CPED1: variants seen among roughly 807,000 people sequenced by gnomAD.
The protein encoded by CPED1 is cadherin like and PC-esterase domain containing 1, also known as cadherin-like and PC-esterase domain-containing protein 1.
A neutral mutation model predicts 128.2 loss-of-function variants in CPED1; 114 were observed. That is an observed-to-expected ratio of 0.89 (90% CI 0.76 to 1.04). The LOEUF (loss-of-function observed/expected upper bound fraction) is 1.04, where lower values mean the gene tolerates loss of function less well. Among genes scored for constraint, CPED1 ranks in the 50% least tolerant of loss-of-function variants. The pLI, the probability that CPED1 is intolerant of heterozygous loss-of-function variation, is 0.00. For synonymous variants in CPED1, 462 were observed against 426.7 expected, an observed-to-expected ratio of 1.08 and a Z score of -1.02; for missense variants, 1,211 against 1,207.1, an observed-to-expected ratio of 1.00 and a Z score of -0.05.
intron 7 of CPED1, among the ~76,000 whole-genome samples, chr7:121,113,746 G>A (rs549754864): frequency 4.6e-5 from 7 of 152,130 alleles, no homozygotes; most frequent in Non-Finnish European, 8.8e-5. Context: ...TGAAGAGCTT[G>A]AATTTCATGG....
chr7:121,190,455 T>C (rs890615366), intron 16 of CPED1, among the ~76,000 whole-genome samples: 1 of 151,890 alleles, frequency 6.6e-6, no homozygotes, highest in South Asian at 2.1e-4. Flanking sequence ...AGGGTGATTT[T>C]GAGAACAGGC....
intron 5 of CPED1, among the ~76,000 whole-genome samples, chr7:121,088,924 A>G (rs1197847189): frequency 6.6e-6 from 1 of 152,114 alleles, no homozygotes. Context: ...TATAAGATAG[A>G]TGTACCTGGC....
intron 3 of CPED1, among the ~76,000 whole-genome samples, chr7:121,042,285 T>C (rs1432391682): frequency 1.3e-5 from 2 of 152,086 alleles, no homozygotes; most frequent in African/African-American, 4.8e-5. Context: ...TTGCCAATAG[T>C]ATGATGGGGC....
intron 22 of CPED1, among the ~76,000 whole-genome samples, chr7:121,283,314 TCTCAGTATTGAATTCTCCTTGTA>T (rs1169757334): frequency 6.6e-6 from 1 of 152,226 alleles, no homozygotes; most frequent in African/African-American, 2.4e-5. Context: ...TATTCTTCTA[TCTCAGTATTGAATTCTCCTTGTA>T]CTCAGCTTTT....
At chr7:121,111,460 C>G (rs1309429323) in intron 7 of CPED1, among the ~76,000 whole-genome samples, 1 of 152,134 alleles carries the variant, frequency 6.6e-6, no homozygotes, top group Non-Finnish European at 1.5e-5. Flanking sequence ...TCTCAGCCAC[C>G]ATAAAATTGG....
At chr7:121,039,903 T>C (rs1409735417) in intron 3 of CPED1, among the ~76,000 whole-genome samples, 1 of 152,116 alleles carries the variant, frequency 6.6e-6, no homozygotes, top group Non-Finnish European at 1.5e-5. Flanking sequence ...TAATGTCACT[T>C]TCTTGAACCT....
intron 4 of CPED1, among the ~76,000 whole-genome samples, chr7:121,059,557 C>T (rs567632333): frequency 1.3e-5 from 2 of 152,160 alleles, no homozygotes; most frequent in Non-Finnish European, 2.9e-5. Context: ...TCAGTTTCTT[C>T]CCCCTCCAGT....
chr7:121,229,024 G>C (rs890439413), intron 16 of CPED1, among the ~76,000 whole-genome samples: 9 of 151,772 alleles, frequency 5.9e-5, no homozygotes, highest in African/African-American at 2.2e-4. Context: ...TGGGTTAAAG[G>C]GTACAAACAT....
At position 121,128,416 on chromosome 7, in the gene CPED1, T is replaced by G. The variant is rs1795561954; in HGVS notation, c.1337T>G (p.Leu446Arg). 6.2e-7 allele frequency: 1 copy of G among 1,601,344 alleles called. No homozygotes were observed. Among genetic ancestry groups the G allele is most frequent in the South Asian group, 1.1e-5 (1 of 90,822 alleles). The stretch of plus-strand genomic sequence containing the variant: ...TATCAAAAGGAACTAAATCAGTGTC[T>G]GTCCTTAGAAGAAATTAACTCAATT... Reference protein sequence around the residue: ...ENYQKELNQCLSLEEINSIMT... With the variant: ...ENYQKELNQCRSLEEINSIMT... Residue 446 changes from leucine to arginine, a missense_variant, in exon 11 of 23, where the codon CTG becomes CGG. Physicochemically the swap from Leu to Arg is moderately radical, Grantham distance 102 (BLOSUM62 -2). Coordinates refer to ENST00000310396, the MANE Select transcript of CPED1 (RefSeq NM_024913.5).
chr7:121,202,174 C>T (rs964500655), intron 16 of CPED1, among the ~76,000 whole-genome samples: 1 of 152,146 alleles, frequency 6.6e-6, no homozygotes, highest in African/African-American at 2.4e-5. Context: ...ACTCTTTCAG[C>T]TTGTCCTTCC....
At chr7:121,080,458 AAAT>A (rs1380851475) in intron 5 of CPED1, among the ~76,000 whole-genome samples, 3 of 149,886 alleles carry the variant, frequency 2.0e-5, no homozygotes, top group Non-Finnish European at 4.5e-5. Flanking sequence ...GCTTGCTTCA[AAAT>A]AATGAGAATT....
intron 7 of CPED1, among the ~76,000 whole-genome samples, chr7:121,120,301 C>T (rs1427713373): frequency 6.6e-6 from 1 of 152,170 alleles, no homozygotes; most frequent in Non-Finnish European, 1.5e-5. Flanking sequence ...AATATCCTCA[C>T]CAATGATTAT....
chr7:121,280,042 G>T (rs1195551910), intron 22 of CPED1, among the ~76,000 whole-genome samples: 4 of 152,150 alleles, frequency 2.6e-5, no homozygotes, highest in Non-Finnish European at 5.9e-5. Context: ...AGTTGGAAAT[G>T]TTAGTCCCCA....
At chr7:121,214,660 C>T (rs1013400539) in intron 16 of CPED1, among the ~76,000 whole-genome samples, 2 of 152,020 alleles carry the variant, frequency 1.3e-5, no homozygotes, top group African/African-American at 4.8e-5. Flanking sequence ...ATAGAAAGGA[C>T]TGTCATGTCG....
intron 16 of CPED1, among the ~76,000 whole-genome samples, chr7:121,146,045 A>G (rs1485094582): frequency 6.6e-6 from 1 of 152,146 alleles, no homozygotes; most frequent in Non-Finnish European, 1.5e-5. Context: ...TTAAATAAAC[A>G]TTGTCTTAAC....
At chr7:121,182,999 GA>G (rs946891592) in intron 16 of CPED1, among the ~76,000 whole-genome samples, 138 of 146,006 alleles carry the variant, frequency 9.5e-4, no homozygotes, top group Middle Eastern at 3.5e-3. Flanking sequence ...TCTTTTCAAA[GA>G]AAAAAAAAAC....
At chr7:121,021,796 G>A (rs1792448843) in intron 3 of CPED1, among the ~76,000 whole-genome samples, 2 of 151,886 alleles carry the variant, frequency 1.3e-5, no homozygotes, top group African/African-American at 4.8e-5. Flanking sequence ...CCCATAAACG[G>A]GAGATAATAT....
intron 3 of CPED1, among the ~76,000 whole-genome samples, chr7:121,030,679 ATTAG>A (rs937402007): frequency 3.9e-5 from 6 of 152,198 alleles, no homozygotes; most frequent in Non-Finnish European, 8.8e-5. Flanking sequence ...CTATTTTATT[ATTAG>A]TTATTGTCAT....
chr7:121,286,147 C>A (rs1223943249), intron 22 of CPED1, among the ~76,000 whole-genome samples: 2 of 152,150 alleles, frequency 1.3e-5, no homozygotes, highest in Non-Finnish European at 2.9e-5. Context: ...AAGCTCCTCA[C>A]AAAACCATCA....
Sources: allele counts gnomAD v4.1 joint callset (sites outside exome capture counted in the v4.1 genomes callset), GRCh38; gene constraint gnomAD v4.1.1; transcripts MANE v1.5; gene names NCBI Gene and HGNC (gene_info 2026-07-23, HGNC 2026-07-21).